Variants in RGS6 observed in about 807,000 individuals in gnomAD.
RGS6 encodes the protein regulator of G protein signaling 6.
Under a neutral mutation model 78.5 loss-of-function variants are expected in RGS6, and 30 were observed. The ratio of observed to expected loss-of-function variants is 0.38; its 90% confidence interval spans 0.29 to 0.52. RGS6 has a LOEUF of 0.52. Among genes scored for constraint, RGS6 ranks in the 20% least tolerant of loss-of-function variants. RGS6 has a pLI of 0.85. For synonymous variants in RGS6, 206 were observed against 206.0 expected (o/e 1.00, Z 0.00); for missense variants, 495 against 609.7 (o/e 0.81, Z 1.98).
the RGS6 span, among the ~76,000 whole-genome samples, chr14:71,913,614 A>G: frequency 6.6e-6 from 1 of 152,192 alleles, no homozygotes; most frequent in Non-Finnish European, 1.5e-5. Flanking sequence ...TGGACATGCA[A>G]CCCACTCTGT....
chr14:72,591,516 G>C, the RGS6 span, among the ~76,000 whole-genome samples: 3 of 152,028 alleles, frequency 2.0e-5, no homozygotes, highest in Non-Finnish European at 4.4e-5. Flanking sequence ...ATGTCTCCGC[G>C]TGGTACCAGG....
rs1014602501 is a variant in RGS6 at position 72,225,104 on chromosome 14, C to G, written c.85-126991C>G. Among the ~76,000 whole-genome samples the G allele has an allele frequency of 2.0e-5, 3 of 152,214 alleles. No homozygotes were observed. The East Asian group carries it at 5.8e-4, about 29-fold the overall frequency. On this transcript the variant is annotated intron_variant, in intron 2 of 17. Transcript: ENST00000553525. Reference sequence around the variant, plus strand: ...AGCAAAAGAGCCATAACTGAAGGTGCGTTTGATGAATTTAATAGGATTATG... The same window carrying G: ...AGCAAAAGAGCCATAACTGAAGGTGGGTTTGATGAATTTAATAGGATTATG...
the RGS6 span, among the ~76,000 whole-genome samples, chr14:72,573,714 C>T: frequency 1.3e-5 from 2 of 152,162 alleles, no homozygotes; most frequent in East Asian, 1.9e-4. Context: ...TTCTCTAAGC[C>T]AGCTCCAACC....
intron 2 of RGS6, among the ~76,000 whole-genome samples, chr14:72,189,233 A>G (rs549829907): frequency 6.6e-6 from 1 of 152,152 alleles, no homozygotes; most frequent in African/African-American, 2.4e-5. Flanking sequence ...ACAATTCCAA[A>G]CAAAATAGAT....
At chr14:72,289,406 G>A (rs1402638911) in intron 2 of RGS6, among the ~76,000 whole-genome samples, 1 of 151,454 alleles carries the variant, frequency 6.6e-6, no homozygotes, top group Non-Finnish European at 1.5e-5. Context: ...GTCAGGATGA[G>A]CCCCTTATTG....
In RGS6 at chr14:72,448,511, GA is replaced by G. The variant is rs144530661; in HGVS notation, c.185-6007del. On this transcript the variant is annotated intron_variant, in intron 3 of 17. Transcript: ENST00000553525. ...ATTTTTTTTCAATTAAGGCATAAAA[GA>G]AAAAAAAAAGACGGTAAAGATTGTC... Among the ~76,000 whole-genome samples, 459 of 147,078 alleles carry G rather than the reference GA, an allele frequency of 3.1e-3. 4 individuals are homozygous for G. Among genetic ancestry groups the G allele is most frequent in the Middle Eastern group, 0.024 (7 of 292 alleles).
At chr14:72,204,117 C>G (rs992655371) in intron 2 of RGS6, among the ~76,000 whole-genome samples, 1 of 152,190 alleles carries the variant, frequency 6.6e-6, no homozygotes, top group Admixed American at 6.5e-5. Flanking sequence ...AGCCACCACA[C>G]CTGGCCTATT....
chr14:72,204,923 C>G (rs1285020363), intron 2 of RGS6, among the ~76,000 whole-genome samples: 1 of 152,128 alleles, frequency 6.6e-6, no homozygotes, highest in Non-Finnish European at 1.5e-5. Context: ...AATAGATGGC[C>G]CCAAGCCATG....
At position 72,475,814 on chromosome 14, in the gene RGS6, T is replaced by A. The variant is rs1598068188; in HGVS notation, c.694-928T>A. Among the ~76,000 whole-genome samples the A allele has an allele frequency of 6.9e-5, 8 of 116,074 alleles. No individual in the cohort carries two copies. In the South Asian group the frequency reaches 2.2e-3, roughly 31 times the overall value. 76.1% of individuals were successfully genotyped at this position (116,074 alleles called of 152,430 possible). Reference sequence around the variant, plus strand: ...CAATTAGCTCTCTCTCATGTATGCATTAAAAAAAAATACACGCACACACAC... The same window carrying A: ...CAATTAGCTCTCTCTCATGTATGCAATAAAAAAAAATACACGCACACACAC... On this transcript the variant is annotated intron_variant, in intron 10 of 17. Coordinates refer to ENST00000553525, the MANE Select transcript of RGS6 (RefSeq NM_001204424.2).
intron 3 of RGS6, among the ~76,000 whole-genome samples, chr14:72,402,565 C>T (rs142804873): frequency 8.8e-4 from 134 of 152,070 alleles, no homozygotes; most frequent in Admixed American, 1.5e-3. Flanking sequence ...TATTATCTCA[C>T]CCCAGTTAGA....
intron 2 of RGS6, among the ~76,000 whole-genome samples, chr14:72,043,787 G>A (rs74063027): frequency 1.3e-5 from 2 of 152,164 alleles, no homozygotes; most frequent in African/African-American, 4.8e-5. Flanking sequence ...ATTTTGGAAA[G>A]TTCTTGGTCA....
rs188259517 is a variant in RGS6, at chr14:72,135,570, G to A, written c.84+170695G>A. 1.7e-3 allele frequency among the ~76,000 whole-genome samples: 256 copies of A among 152,180 alleles called. 1 individual carries two copies. The highest frequency in any genetic ancestry group is 3.5e-3 in the Admixed American group (53 of 15,280). ...TTATAAGTTGTTACAGCACGAGAGA[G>A]AGGTAAGGAATAGTTAACAAAATTG... On this transcript the variant is annotated intron_variant, in intron 2 of 17. Coordinates refer to ENST00000553525, the MANE Select transcript of RGS6 (RefSeq NM_001204424.2).
At chr14:72,496,532 G>A (rs1049755567) in intron 13 of RGS6, among the ~76,000 whole-genome samples, 15 of 152,322 alleles carry the variant, frequency 9.8e-5, no homozygotes, top group Admixed American at 3.3e-4. Context: ...AAGAAAATGC[G>A]TAGTGCCCAA....
intron 2 of RGS6, among the ~76,000 whole-genome samples, chr14:72,116,795 C>G (rs1028464050): frequency 2.0e-5 from 3 of 151,888 alleles, no homozygotes; most frequent in African/African-American, 7.2e-5. Context: ...GAAACCCTGT[C>G]TCTACTAAAA....
intron 2 of RGS6, among the ~76,000 whole-genome samples, chr14:72,259,842 C>T (rs974672200): frequency 6.7e-5 from 9 of 134,622 alleles, no homozygotes; most frequent in Non-Finnish European, 1.1e-4. Context: ...ACCCGGGAGG[C>T]GGAGCTTGCA....
chr14:72,221,406 T>C (rs1599780347), intron 2 of RGS6, among the ~76,000 whole-genome samples: 1 of 152,296 alleles, frequency 6.6e-6, no homozygotes, highest in East Asian at 1.9e-4. Context: ...TTAATTGTAC[T>C]GATTATTCCT....
intron 2 of RGS6, among the ~76,000 whole-genome samples, chr14:72,011,373 T>C (rs1213422979): frequency 6.6e-6 from 1 of 152,190 alleles, no homozygotes; most frequent in Non-Finnish European, 1.5e-5. Flanking sequence ...ATGGCATCAT[T>C]TGAAAGCCTC....
intron 17 of RGS6, among the ~76,000 whole-genome samples, chr14:72,544,090 TG>T (rs1291569734): frequency 6.6e-6 from 1 of 151,772 alleles, no homozygotes; most frequent in East Asian, 1.9e-4. Context: ...CACAGTGGGG[TG>T]GGGGGCCTCA....
chr14:71,980,358 G>A (rs1182411146), intron 2 of RGS6, among the ~76,000 whole-genome samples: 5 of 150,478 alleles, frequency 3.3e-5, no homozygotes, highest in Admixed American at 2.7e-4. Flanking sequence ...TCCTAGTCTC[G>A]ATGGTCTTTA....
Sources: allele counts gnomAD v4.1 joint callset (sites outside exome capture counted in the v4.1 genomes callset), GRCh38; gene constraint gnomAD v4.1.1; transcripts MANE v1.5; gene names NCBI Gene and HGNC (gene_info 2026-07-23, HGNC 2026-07-21).